The following FAXC variants were observed in gnomAD, a reference collection of about 807,000 sequenced individuals.
FAXC encodes failed axon connections homolog, metaxin like GST domain containing.
A neutral mutation model predicts 41.9 loss-of-function variants in FAXC; 10 were observed. That is an observed-to-expected ratio of 0.24 (90% CI 0.15 to 0.41). The LOEUF is 0.41. FAXC is among the 10% of genes least tolerant of loss of function. The probability of loss-of-function intolerance (pLI) is 1.00; values close to 1 mark genes in which losing one functional copy is unlikely to be tolerated. For missense variants in FAXC, 399 were observed against 510.9 expected, an observed-to-expected ratio of 0.78 and a Z score of 2.11; for synonymous variants, 183 against 183.8, an observed-to-expected ratio of 1.00 and a Z score of 0.03.
intron 4 of FAXC, among the ~76,000 whole-genome samples, chr6:99,307,323 G>A (rs182304047): frequency 1.2e-4 from 19 of 152,186 alleles, no homozygotes; most frequent in South Asian, 4.2e-4. Context: ...TTAAAGATAC[G>A]AGACTTAAAG....
intron 4 of FAXC, among the ~76,000 whole-genome samples, chr6:99,306,001 G>A (rs1044856097): frequency 6.6e-6 from 1 of 151,978 alleles, no homozygotes; most frequent in African/African-American, 2.4e-5. Flanking sequence ...AATGATCAGC[G>A]CTACGCAGAG....
chr6:99,343,011 T>C lies in FAXC; in HGVS notation c.289A>G (p.Lys97Glu), dbSNP rs1199689306. The stretch of plus-strand genomic sequence containing the variant: ...AACTGATGCAAAATAATAGCATCTT[T>C]AGAGTCAATCTCTTGCTGTTTCCTG... ...VIRKQQEIDS[K>E]DAIILHQFAR... Residue 97 changes from lysine to glutamate, a missense_variant, in exon 2 of 6, where the codon AAA becomes GAA. Lys to Glu is a moderately conservative substitution (Grantham distance 56). Around this residue, in one of 3 missense-constraint regions of FAXC, gnomAD observed 239 missense variants for 352.7 expected, o/e 0.68. Transcript: ENST00000389677. 1.2e-6 allele frequency: 2 copies of C among 1,609,078 alleles called. No homozygotes were observed. Among genetic ancestry groups the C allele is most frequent in the Non-Finnish European group, 1.7e-6 (2 of 1,178,838 alleles).
Position 99,323,800 on chromosome 6 carries a change from A to C in FAXC, c.600-133T>G, listed in dbSNP as rs542159910. 1.0e-4 allele frequency: 67 copies of C among 666,234 alleles called. No individual in the cohort carries two copies. The African/African-American group carries it at 1.2e-3, about 11-fold the overall frequency. 41.3% of individuals were successfully genotyped at this position (666,234 alleles called of 1,614,324 possible). A position where few individuals can be genotyped will look rare whatever the true frequency, so the allele number is the denominator to read the frequency against. ...AATAACTGCAGCTTTAATAAAGAGC[A>C]ATCTGCATGGCAGCTATCACAACAG... On this transcript the variant is annotated intron_variant, in intron 3 of 5. Transcript: ENST00000389677.
At chr6:99,318,116 G>T (rs1772433491) in intron 4 of FAXC, among the ~76,000 whole-genome samples, 1 of 152,056 alleles carries the variant, frequency 6.6e-6, no homozygotes, top group Non-Finnish European at 1.5e-5. Context: ...AAAATTAGCT[G>T]GGCATGGTGG....
At chr6:99,305,166 G>C (rs1222149367) in intron 4 of FAXC, among the ~76,000 whole-genome samples, 1 of 152,134 alleles carries the variant, frequency 6.6e-6, no homozygotes, top group Non-Finnish European at 1.5e-5. Flanking sequence ...TAGCCTAAGA[G>C]GAACTGAGAG....
At chr6:99,335,501 GT>G (rs1773183513) in intron 2 of FAXC, among the ~76,000 whole-genome samples, 1 of 152,058 alleles carries the variant, frequency 6.6e-6, no homozygotes, top group Non-Finnish European at 1.5e-5. Context: ...CAACTTCTTT[GT>G]TCTTCCTTTC....
intron 3 of FAXC, 119 bp downstream of exon 3, chr6:99,333,232 C>G (rs1773093057): frequency 2.4e-6 from 2 of 833,136 alleles, no homozygotes; most frequent in Non-Finnish European, 3.7e-6. Flanking sequence ...CTGAGCCACT[C>G]ACTTCATCCG....
intron 5 of FAXC, among the ~76,000 whole-genome samples, chr6:99,284,998 G>A (rs940178765): frequency 8.9e-5 from 13 of 145,674 alleles, no homozygotes; most frequent in African/African-American, 3.1e-4. Flanking sequence ...CTCAACAATC[G>A]GATAACAGTT....
At chr6:99,315,274 C>A (rs2128457684) in intron 4 of FAXC, among the ~76,000 whole-genome samples, 1 of 140,216 alleles carries the variant, frequency 7.1e-6, no homozygotes, top group East Asian at 2.5e-4. Flanking sequence ...CAGTAAATGT[C>A]ACCTCCTTGA....
At chr6:99,333,833 G>A (rs1255144060) in intron 2 of FAXC, among the ~76,000 whole-genome samples, 2 of 152,154 alleles carry the variant, frequency 1.3e-5, no homozygotes, top group East Asian at 3.8e-4. Context: ...GATGATGGGG[G>A]TAAGGGGTAG....
chr6:99,284,598 T>TGA (rs777636999), intron 5 of FAXC, among the ~76,000 whole-genome samples: 16,516 of 142,802 alleles, frequency 0.12, 1,200 homozygotes, highest in Non-Finnish European at 0.15. Flanking sequence ...TGTGTGTGTG[T>TGA]GATAAGCCTG....
intron 4 of FAXC, among the ~76,000 whole-genome samples, chr6:99,315,930 A>G (rs919251191): frequency 1.3e-5 from 2 of 152,118 alleles, no homozygotes; most frequent in African/African-American, 4.8e-5. Context: ...AACTCTATTT[A>G]CCAATTATTC....
chr6:99,290,734 C>T (rs184656164), intron 5 of FAXC, among the ~76,000 whole-genome samples: 16 of 151,492 alleles, frequency 1.1e-4, no homozygotes, highest in Middle Eastern at 3.4e-3. Flanking sequence ...AATAATACTT[C>T]GGAAAGCACT....
chr6:99,342,624 G>A (rs1375416311), intron 2 of FAXC, among the ~76,000 whole-genome samples: 6 of 152,200 alleles, frequency 3.9e-5, no homozygotes, highest in East Asian at 1.9e-4. Context: ...GATTAAAGGC[G>A]TGAACCACCG....
At chr6:99,330,769 C>T (rs1247971300) in intron 3 of FAXC, among the ~76,000 whole-genome samples, 1 of 152,202 alleles carries the variant, frequency 6.6e-6, no homozygotes, top group Non-Finnish European at 1.5e-5. Flanking sequence ...AACAAGATAT[C>T]ACGGAAAGCT....
rs1773728065 is a variant in FAXC, at chr6:99,349,565, G to C, written c.-193C>G. 4.4e-6 allele frequency: 1 copy of C among 225,726 alleles called. No homozygotes were observed. Among genetic ancestry groups the C allele is most frequent in the South Asian group, 1.4e-4 (1 of 7,126 alleles). The allele number at this position is 225,726 out of a possible 1,614,324, so 14.0% of individuals were successfully genotyped here. On this transcript the variant is annotated 5_prime_UTR_variant, in exon 1 of 6. Transcript: ENST00000389677. ...AGGAGGAAGGGCACTGGCCGCGGAC[G>C]GCGGGCCTGGCCGGCGGGGCCCCAG...
intron 4 of FAXC, among the ~76,000 whole-genome samples, chr6:99,320,388 T>C (rs1772543588): frequency 6.6e-6 from 1 of 152,092 alleles, no homozygotes; most frequent in South Asian, 2.1e-4. Flanking sequence ...AAAATAAAAA[T>C]TAGCTCATTT....
chr6:99,349,003 G>C, intron 1 of FAXC, 104 bp downstream of exon 1: 1 of 1,143,390 alleles, frequency 8.7e-7, no homozygotes, highest in Non-Finnish European at 1.3e-6. Flanking sequence ...TTGGGCATCT[G>C]GGCAGCTTGA....
At chr6:99,301,131 G>C (rs1014125784) in intron 4 of FAXC, among the ~76,000 whole-genome samples, 1 of 152,266 alleles carries the variant, frequency 6.6e-6, no homozygotes, top group Non-Finnish European at 1.5e-5. Flanking sequence ...CCTGCCCAGA[G>C]TGGTGAGCCT....
Sources: allele counts gnomAD v4.1 joint callset (sites outside exome capture counted in the v4.1 genomes callset), GRCh38; gene constraint gnomAD v4.1.1; regional missense constraint gnomAD v4.1.1; transcripts MANE v1.5; gene names NCBI Gene and HGNC (gene_info 2026-07-23, HGNC 2026-07-21).